SEMA3A: variants seen among roughly 807,000 people sequenced by gnomAD.
SEMA3A encodes semaphorin-3A.
A neutral mutation model predicts 97.9 loss-of-function variants in SEMA3A; 29 were observed. That is an observed-to-expected ratio of 0.30 (90% CI 0.22 to 0.40). The LOEUF (loss-of-function observed/expected upper bound fraction) is 0.40. Ranked by LOEUF, SEMA3A falls within the 10% of genes least tolerant of loss-of-function variation. The pLI, the probability that SEMA3A is intolerant of heterozygous loss-of-function variation, is 1.00. For missense variants in SEMA3A, 763 were observed against 951.3 expected (o/e 0.80, Z 2.60); for synonymous variants, 321 against 323.7 (o/e 0.99, Z 0.09).
At chr7:84,090,964 G>A (rs567781661) in intron 4 of SEMA3A, among the ~76,000 whole-genome samples, 5 of 151,238 alleles carry the variant, frequency 3.3e-5, no homozygotes, top group African/African-American at 7.3e-5. Flanking sequence ...CTACTCAGGA[G>A]GCTGAGGCCA....
chr7:84,440,476 T>C (rs1584326857), intron 1 of SEMA3A, among the ~76,000 whole-genome samples: 1 of 152,186 alleles, frequency 6.6e-6, no homozygotes. Context: ...GACATTGTTG[T>C]GAGCTCTGGC....
At chr7:84,060,782 C>T (rs773617090) in intron 4 of SEMA3A, among the ~76,000 whole-genome samples, 32 of 152,122 alleles carry the variant, frequency 2.1e-4, no homozygotes, top group Non-Finnish European at 2.5e-4. Flanking sequence ...GCAGTTAGCA[C>T]GTTGCAAACA....
chr7:84,091,207 A>G (rs58263699), intron 4 of SEMA3A, among the ~76,000 whole-genome samples: 3 of 75,232 alleles, frequency 4.0e-5, no homozygotes, highest in South Asian at 4.1e-4. Context: ...AAAGAAAGAA[A>G]GAAAGAAAAG....
At chr7:84,112,345 A>G (rs1054827079) in intron 3 of SEMA3A, among the ~76,000 whole-genome samples, 1 of 152,214 alleles carries the variant, frequency 6.6e-6, no homozygotes, top group Non-Finnish European at 1.5e-5. Flanking sequence ...AATAAATAAT[A>G]GTGGCAGACC....
chr7:84,481,339 T>C (rs957106160), intron 1 of SEMA3A, among the ~76,000 whole-genome samples: 1 of 152,156 alleles, frequency 6.6e-6, no homozygotes, highest in Non-Finnish European at 1.5e-5. Context: ...AAAATGAACA[T>C]TATTTCAAAG....
intron 4 of SEMA3A, among the ~76,000 whole-genome samples, chr7:84,099,757 A>T (rs1794900269): frequency 6.6e-6 from 1 of 152,114 alleles, no homozygotes; most frequent in Non-Finnish European, 1.5e-5. Context: ...TTCATTTGAG[A>T]ATTGTAATTT....
chr7:84,244,258 A>C (rs1183283655), intron 3 of SEMA3A, among the ~76,000 whole-genome samples: 1 of 152,098 alleles, frequency 6.6e-6, no homozygotes, highest in African/African-American at 2.4e-5. Flanking sequence ...AACTTGCTTT[A>C]TGAGTCTGGG....
chr7:84,084,920 G>A (rs1168252830), intron 4 of SEMA3A, among the ~76,000 whole-genome samples: 1 of 152,006 alleles, frequency 6.6e-6, no homozygotes, highest in African/African-American at 2.4e-5. Context: ...TTCCAAGATA[G>A]TATGTGTAGG....
chr7:84,348,871 C>T (rs1212737900), intron 2 of SEMA3A, among the ~76,000 whole-genome samples: 1 of 151,902 alleles, frequency 6.6e-6, no homozygotes. Flanking sequence ...GTGATCCCAG[C>T]TACTCAGGAG....
chr7:84,123,265 C>A (rs928919283), intron 3 of SEMA3A, among the ~76,000 whole-genome samples: 4 of 152,024 alleles, frequency 2.6e-5, no homozygotes, highest in African/African-American at 9.7e-5. Flanking sequence ...TAGAAAAATA[C>A]CGAAAATGGG....
At chr7:83,989,231 T>A (rs1789780847) in intron 12 of SEMA3A, among the ~76,000 whole-genome samples, 1 of 152,206 alleles carries the variant, frequency 6.6e-6, no homozygotes, top group Non-Finnish European at 1.5e-5. Flanking sequence ...ATTAGCTAGC[T>A]CTAAATACTT....
chr7:83,960,006 C>A lies in SEMA3A; in HGVS notation c.*1365G>T, dbSNP rs1788405612. On this transcript the variant is annotated 3_prime_UTR_variant, in exon 17 of 17. Transcript: ENST00000265362. ...AAATACTTTGTAGAAAAGTCCCTCC[C>A]ATTGATATGAAAAGAGTCATGTGTT... 6.6e-6 allele frequency: 1 copy of A among 152,006 alleles called. No individual in the cohort carries two copies. Among genetic ancestry groups the A allele is most frequent in the African/African-American group, 2.4e-5 (1 of 41,432 alleles). The allele number at this position is 152,006 out of a possible 1,614,324, so 9.4% of individuals were successfully genotyped here.
chr7:83,964,394 T>C (rs781425506), intron 15 of SEMA3A, among the ~76,000 whole-genome samples: 14 of 152,224 alleles, frequency 9.2e-5, no homozygotes, highest in Non-Finnish European at 1.5e-4. Flanking sequence ...GATTTTTAAT[T>C]TAAAAAATGT....
chr7:84,087,808 C>G (rs949816473), intron 4 of SEMA3A, among the ~76,000 whole-genome samples: 1 of 152,134 alleles, frequency 6.6e-6, no homozygotes, highest in Non-Finnish European at 1.5e-5. Flanking sequence ...CTCTGAAAAC[C>G]TATTGCACAG....
intron 3 of SEMA3A, among the ~76,000 whole-genome samples, chr7:84,246,837 ATGATTT>A (rs1799487071): frequency 6.6e-6 from 1 of 152,134 alleles, no homozygotes; most frequent in Non-Finnish European, 1.5e-5. Context: ...AGTCATCAGA[ATGATTT>A]ATACAAGGTT....
intron 3 of SEMA3A, among the ~76,000 whole-genome samples, chr7:84,255,110 C>T (rs912313937): frequency 2.6e-5 from 4 of 152,240 alleles, no homozygotes; most frequent in Non-Finnish European, 4.4e-5. Flanking sequence ...GGGGACATTA[C>T]ATACCTGGCT....
intron 1 of SEMA3A, among the ~76,000 whole-genome samples, chr7:84,480,354 G>GA (rs1304051293): frequency 6.6e-6 from 1 of 152,160 alleles, no homozygotes; most frequent in Non-Finnish European, 1.5e-5. Flanking sequence ...GAGCAGAAGT[G>GA]AAAAATAGTA....
chr7:84,380,127 G>A (rs1001611469), intron 1 of SEMA3A, among the ~76,000 whole-genome samples: 5 of 152,064 alleles, frequency 3.3e-5, no homozygotes, highest in African/African-American at 9.7e-5. Context: ...CTTATTTTCT[G>A]CAATATATTT....
chr7:84,029,575 G>A (rs1253472053), intron 6 of SEMA3A, among the ~76,000 whole-genome samples: 1 of 151,958 alleles, frequency 6.6e-6, no homozygotes, highest in Admixed American at 6.6e-5. Context: ...CTTTGCATTA[G>A]GTCTTCAATA....
Sources: gnomAD v4.1 joint callset for allele counts (sites outside exome capture counted in the v4.1 genomes callset) on GRCh38, gnomAD v4.1.1 for gene constraint, MANE v1.5 for transcripts, NCBI Gene and HGNC (gene_info 2026-07-23, HGNC 2026-07-21) for gene names.